FBXL18: variants seen among roughly 807,000 people sequenced by gnomAD.
The protein encoded by FBXL18 is F-box/LRR-repeat protein 18.
A neutral mutation model predicts 46.0 loss-of-function variants in FBXL18; 36 were observed. That is an observed-to-expected ratio of 0.78 (90% CI 0.60 to 1.03). The LOEUF (loss-of-function observed/expected upper bound fraction) is 1.03. FBXL18 is among the 50% of genes least tolerant of loss of function. The pLI is 0.00. For missense variants in FBXL18, 977 were observed against 1,004.1 expected (o/e 0.97, Z 0.36); for synonymous variants, 557 against 465.3 (o/e 1.20, Z -2.54).
chr7:5,509,975 A>G (rs1046770927), intron 1 of FBXL18, among the ~76,000 whole-genome samples: 1 of 152,022 alleles, frequency 6.6e-6, no homozygotes, highest in African/African-American at 2.4e-5. Context: ...ACCTTGCACC[A>G]AAAAAGGTGG....
chr7:5,507,008 C>T (rs1426882569), intron 1 of FBXL18, among the ~76,000 whole-genome samples: 6 of 152,120 alleles, frequency 3.9e-5, no homozygotes, highest in Non-Finnish European at 7.4e-5. Context: ...AGATCGGGGA[C>T]AAAGGAAGGC....
downstream of FBXL18, among the ~76,000 whole-genome samples, chr7:5,471,884 G>A (rs187143596): frequency 0.022 from 3,324 of 152,250 alleles, 37 homozygotes; most frequent in Non-Finnish European, 0.033. Context: ...AGGCTGAGGC[G>A]GGAGGATTTC....
In FBXL18 at chr7:5,500,966, C is replaced by A; in HGVS notation, c.1303G>T (p.Ala435Ser). The stretch of plus-strand genomic sequence containing the variant: ...GCGTGCATGGCCGGCTGGGCGGGCG[C>A]GCGGTCGGCGCGCGGCGCGGAGTCA... ...VADSAPRADR[A>S]PAQPAMHAVP... Residue 435 changes from alanine to serine, a missense_variant, in exon 3 of 5, where the codon GCG becomes TCG. By Grantham distance (99) the Ala-to-Ser change is moderately conservative. Transcript: ENST00000382368. 6.5e-7 allele frequency: 1 copy of A among 1,534,664 alleles called. No homozygotes were observed. Among genetic ancestry groups the A allele is most frequent in the Non-Finnish European group, 8.7e-7 (1 of 1,147,004 alleles).
chr7:5,486,556 A>C (rs1459553935), intron 4 of FBXL18, among the ~76,000 whole-genome samples: 1 of 151,324 alleles, frequency 6.6e-6, no homozygotes, highest in African/African-American at 2.4e-5. Context: ...AGGAGGCTGA[A>C]GCAGGAGGAT....
chr7:5,468,283 C>G (rs1298624286), intron 4 of FBXL18, among the ~76,000 whole-genome samples: 1 of 151,124 alleles, frequency 6.6e-6, no homozygotes, highest in Admixed American at 6.6e-5. Context: ...GCGCCGAGCC[C>G]TGTTTTTGTA....
chr7:5,511,149 A>C (rs1452128050), intron 1 of FBXL18, among the ~76,000 whole-genome samples: 2 of 152,108 alleles, frequency 1.3e-5, no homozygotes, highest in Non-Finnish European at 2.9e-5. Context: ...TAAGATCTGA[A>C]ATCTTGGCTG....
intron 4 of FBXL18, among the ~76,000 whole-genome samples, chr7:5,470,375 C>T (rs1266568175): frequency 2.6e-5 from 4 of 152,136 alleles, no homozygotes; most frequent in Admixed American, 2.0e-4. Context: ...AGGCGGGTAC[C>T]CAGCGCAGGC....
chr7:5,500,403 G>A (rs1216277402), intron 3 of FBXL18, 85 bp downstream of exon 3: 5 of 1,298,760 alleles, frequency 3.8e-6, no homozygotes, highest in Non-Finnish European at 5.3e-6. Flanking sequence ...TGGAGGGCAG[G>A]CCAGCCACCG....
chr7:5,463,436 A>G (rs989013926), intron 4 of FBXL18, among the ~76,000 whole-genome samples: 1 of 151,800 alleles, frequency 6.6e-6, no homozygotes, highest in Non-Finnish European at 1.5e-5. Flanking sequence ...CCTGGGCAAC[A>G]TAACAAGACC....
rs961024587 is a variant in FBXL18 at position 5,500,849 on chromosome 7, C to T, written c.1420G>A (p.Val474Met). The T allele has an allele frequency of 3.1e-6, 5 of 1,608,986 alleles. No homozygotes were observed. The highest frequency in any genetic ancestry group is 2.2e-5 in the East Asian group (1 of 44,796). Residue 474 changes from valine (V) to methionine (M), a missense_variant, in exon 3 of 5, where the codon GTG becomes ATG. Physicochemically the swap from Val to Met is conservative, Grantham distance 21. Transcript: ENST00000382368. ...AGGTTCTTCAGCAGAGACCAGAACA[C>T]GGAGGAGGGCTGGGGGCACGCCTGG... is the stretch of plus-strand genomic sequence containing the variant. ...SGQACPQPSS[V>M]FWSLLKNLPF...
At chr7:5,468,869 G>A (rs1181740305) in intron 4 of FBXL18, among the ~76,000 whole-genome samples, 2 of 152,170 alleles carry the variant, frequency 1.3e-5, no homozygotes, top group African/African-American at 4.8e-5. Context: ...CCAAAGTACT[G>A]GGATTACAGG....
downstream of FBXL18, among the ~76,000 whole-genome samples, chr7:5,472,851 T>C (rs768693476): frequency 4.6e-5 from 7 of 152,160 alleles, no homozygotes; most frequent in Non-Finnish European, 8.8e-5. Flanking sequence ...GACCCTGAAC[T>C]TGGGAGTGCC....
At chr7:5,502,465 G>A (rs978524418) in intron 2 of FBXL18, among the ~76,000 whole-genome samples, 2 of 152,100 alleles carry the variant, frequency 1.3e-5, no homozygotes, top group Non-Finnish European at 2.9e-5. Context: ...AACCTGGGAG[G>A]TGGAGGTTGC....
chr7:5,468,317 C>G (rs1783376784), intron 4 of FBXL18, among the ~76,000 whole-genome samples: 1 of 152,128 alleles, frequency 6.6e-6, no homozygotes, highest in African/African-American at 2.4e-5. Flanking sequence ...CGGGATTTCA[C>G]TGTGTCAGCC....
intron 4 of FBXL18, among the ~76,000 whole-genome samples, chr7:5,466,240 G>A (rs1256272895): frequency 6.6e-6 from 1 of 152,070 alleles, no homozygotes; most frequent in Non-Finnish European, 1.5e-5. Context: ...AAGAAACGGT[G>A]TTAATTACCA....
At chr7:5,484,956 A>C (rs1248166724) in intron 4 of FBXL18, among the ~76,000 whole-genome samples, 1 of 151,702 alleles carries the variant, frequency 6.6e-6, no homozygotes, top group Non-Finnish European at 1.5e-5. Flanking sequence ...TTTATTTTTT[A>C]TTTTTTGTAG....
chr7:5,456,688 G>C (rs1200861900), intron 4 of FBXL18, among the ~76,000 whole-genome samples: 3 of 151,706 alleles, frequency 2.0e-5, no homozygotes, highest in African/African-American at 7.3e-5. Context: ...GCTAGGAGCA[G>C]AGAACAGAGA....
At chr7:5,490,706 T>C (rs1783899075) in intron 4 of FBXL18, among the ~76,000 whole-genome samples, 1 of 152,234 alleles carries the variant, frequency 6.6e-6, no homozygotes, top group South Asian at 2.1e-4. Flanking sequence ...GGCTCATGCC[T>C]GTAATCCCAG....
intron 2 of FBXL18, among the ~76,000 whole-genome samples, chr7:5,504,634 G>A (rs965102363): frequency 1.4e-5 from 2 of 146,266 alleles, no homozygotes; most frequent in African/African-American, 4.9e-5. Context: ...TTCATTACCA[G>A]GCCGGGTGTG....
Sources: allele counts gnomAD v4.1 joint callset (sites outside exome capture counted in the v4.1 genomes callset), GRCh38; gene constraint gnomAD v4.1.1; transcripts MANE v1.5; gene names NCBI Gene and HGNC (gene_info 2026-07-23, HGNC 2026-07-21).